HMCN1: variants seen among roughly 807,000 people sequenced by gnomAD.
The protein encoded by HMCN1 is hemicentin-1.
Under a neutral mutation model 625.9 loss-of-function variants are expected in HMCN1, and 321 were observed. The ratio of observed to expected loss-of-function variants is 0.51; its 90% confidence interval spans 0.47 to 0.56. HMCN1 has a LOEUF of 0.56. Among genes scored for constraint, HMCN1 ranks in the 20% least tolerant of loss-of-function variants. The pLI, the probability that HMCN1 is intolerant of heterozygous loss-of-function variation, is 0.00. For missense variants in HMCN1, 6,588 were observed against 6,887.3 expected (o/e 0.96, Z 1.54); for synonymous variants, 2,425 against 2,417.6 (o/e 1.00, Z -0.09).
intron 1 of HMCN1, among the ~76,000 whole-genome samples, chr1:185,769,465 TGTTATAATA>T (rs948878766): frequency 6.6e-6 from 1 of 151,740 alleles, no homozygotes; most frequent in Non-Finnish European, 1.5e-5. Flanking sequence ...AAAGAAAAGA[TGTTATAATA>T]TATGTTTGGA....
intron 20 of HMCN1, among the ~76,000 whole-genome samples, chr1:185,987,950 G>T (rs1482447908): frequency 6.6e-6 from 1 of 152,138 alleles, no homozygotes; most frequent in East Asian, 1.9e-4. Context: ...AAATTAAGAG[G>T]GAAGAGGGCT....
chr1:186,147,788 TA>T (rs149483402), intron 93 of HMCN1, among the ~76,000 whole-genome samples: 1 of 152,152 alleles, frequency 6.6e-6, no homozygotes, highest in Non-Finnish European at 1.5e-5. Context: ...ACTTTATTGC[TA>T]AAAAATGCTA....
chr1:185,770,074 A>G (rs1188792936), intron 1 of HMCN1, among the ~76,000 whole-genome samples: 3 of 152,134 alleles, frequency 2.0e-5, no homozygotes, highest in African/African-American at 7.2e-5. Flanking sequence ...AGTTCCAGCT[A>G]TTTTTGCAAT....
chr1:185,946,852 A>G (rs1668373106), intron 11 of HMCN1, among the ~76,000 whole-genome samples: 1 of 152,212 alleles, frequency 6.6e-6, no homozygotes, highest in South Asian at 2.1e-4. Context: ...TGCCATGTAT[A>G]TATACATCCT....
chr1:185,825,374 T>C (rs1348934278), intron 1 of HMCN1, among the ~76,000 whole-genome samples: 1 of 152,180 alleles, frequency 6.6e-6, no homozygotes, highest in Non-Finnish European at 1.5e-5. Context: ...TTAATAAAAC[T>C]TTATTTTGAA....
At chr1:185,798,574 T>G (rs887110332) in intron 1 of HMCN1, among the ~76,000 whole-genome samples, 10 of 152,048 alleles carry the variant, frequency 6.6e-5, no homozygotes, top group African/African-American at 2.4e-4. Flanking sequence ...TTTAACAAAT[T>G]CTTTTTTTCT....
In HMCN1 at chr1:185,865,843, GA is replaced by G; in HGVS notation, c.602del (p.Asp201AlafsTer9). On this transcript the variant is annotated frameshift_variant, in exon 4 of 107. Transcript: ENST00000271588. LOFTEE classifies it high-confidence loss of function. ...STSSGQVFHLDKKQVNEVLKW... is the reference protein window; with the variant it reads ...STSSGQVFHLXKKQVNEVLKW... ...AAGTTCTGGTCAAGTGTTCCATCTGGACAAAAAACAAGTTAATGAGGTCAGT... is the reference window on the plus strand; with the variant it reads ...AAGTTCTGGTCAAGTGTTCCATCTGGCAAAAAACAAGTTAATGAGGTCAGT... 1 of 1,612,480 alleles carries G rather than the reference GA, an allele frequency of 6.2e-7. No individual in the cohort carries two copies. The highest frequency in any genetic ancestry group is 8.5e-7 in the Non-Finnish European group (1 of 1,179,520).
At chr1:185,833,502 A>T (rs115939181) in intron 1 of HMCN1, among the ~76,000 whole-genome samples, 1 of 152,296 alleles carries the variant, frequency 6.6e-6, no homozygotes, top group African/African-American at 2.4e-5. Flanking sequence ...GCCAGTGAAG[A>T]TCTTACATTT....
At chr1:185,883,094 GA>G (rs1232596926) in intron 4 of HMCN1, among the ~76,000 whole-genome samples, 3 of 152,048 alleles carry the variant, frequency 2.0e-5, no homozygotes, top group African/African-American at 7.2e-5. Context: ...TTTGAATAAT[GA>G]AAAGAATGAG....
At chr1:185,990,468 A>G in intron 22 of HMCN1, 25 bp downstream of exon 22, 1 of 1,605,200 alleles carries the variant, frequency 6.2e-7, no homozygotes, top group East Asian at 2.2e-5. Context: ...ATGAATTGCA[A>G]CACATGAAAA....
intron 86 of HMCN1, among the ~76,000 whole-genome samples, chr1:186,135,627 T>C (rs1200558121): frequency 6.6e-6 from 1 of 152,232 alleles, no homozygotes; most frequent in Non-Finnish European, 1.5e-5. Context: ...TTCTTCCTGT[T>C]GTGTGCTATT....
At chr1:186,063,096 A>ATATATATGTATATG (rs1185102259) in intron 48 of HMCN1, among the ~76,000 whole-genome samples, 1 of 115,424 alleles carries the variant, frequency 8.7e-6, no homozygotes, top group African/African-American at 3.8e-5. Context: ...ATATATATAT[A>ATATATATGTATATG]TATATATCAC....
At chr1:186,178,121 A>G (rs1652712395) in intron 103 of HMCN1, among the ~76,000 whole-genome samples, 1 of 152,208 alleles carries the variant, frequency 6.6e-6, no homozygotes, top group African/African-American at 2.4e-5. Context: ...ATGAACTTAC[A>G]GAACTAGTGT....
chr1:186,189,673 C>T lies in HMCN1; in HGVS notation c.16703C>T (p.Thr5568Ile), dbSNP rs1463271472. ...TQDGVMHPRT[T>I]FLMVDEEQTV... ...GATGGAGTGATGCATCCCAGGACAA[C>T]TTTCCTCATGGTAGATGAGGAACAG... The change falls in exon 107 of 107, where the codon ACT becomes ATT. Residue 5568 changes from threonine (T) to isoleucine (I), a missense_variant. Thr to Ile is a moderately conservative substitution (Grantham distance 89). This residue lies in a region of HMCN1 where 1,954 missense variants were observed against 2,013.1 expected (regional missense o/e 0.97). Transcript: ENST00000271588. 7.4e-6 allele frequency: 12 copies of T among 1,612,024 alleles called. No homozygotes were observed. The highest frequency in any genetic ancestry group is 6.7e-5 in the Admixed American group (4 of 59,890).
At chr1:186,098,111 A>T (rs932836356) in intron 68 of HMCN1, among the ~76,000 whole-genome samples, 4 of 152,120 alleles carry the variant, frequency 2.6e-5, no homozygotes, top group Non-Finnish European at 4.4e-5. Flanking sequence ...AGATGAAAAC[A>T]CAGAGGAAAC....
At chr1:185,857,872 T>C (rs968321170) in intron 2 of HMCN1, among the ~76,000 whole-genome samples, 5 of 152,178 alleles carry the variant, frequency 3.3e-5, no homozygotes, top group Non-Finnish European at 7.3e-5. Context: ...TAATACATCT[T>C]ATTGAATACC....
At chr1:186,011,663 C>T (rs940939622) in intron 30 of HMCN1, among the ~76,000 whole-genome samples, 3 of 152,090 alleles carry the variant, frequency 2.0e-5, no homozygotes, top group African/African-American at 7.2e-5. Context: ...AAAATATATC[C>T]ACTGCAAATT....
At chr1:186,158,981 G>C (rs1367645022) in intron 97 of HMCN1, among the ~76,000 whole-genome samples, 1 of 152,166 alleles carries the variant, frequency 6.6e-6, no homozygotes, top group Non-Finnish European at 1.5e-5. Context: ...GTCATTGGTA[G>C]CTTGATGGGG....
intron 11 of HMCN1, among the ~76,000 whole-genome samples, chr1:185,938,301 G>A (rs902431319): frequency 1.3e-5 from 2 of 152,102 alleles, no homozygotes; most frequent in Non-Finnish European, 2.9e-5. Flanking sequence ...ACACATCCTG[G>A]CTGAATTTGA....
Sources: gnomAD v4.1 joint callset for allele counts (sites outside exome capture counted in the v4.1 genomes callset) on GRCh38, gnomAD v4.1.1 for gene constraint, gnomAD v4.1.1 regional missense constraint, MANE v1.5 for transcripts, NCBI Gene and HGNC (gene_info 2026-07-23, HGNC 2026-07-21) for gene names.